EFCAB5: variants seen among roughly 807,000 people sequenced by gnomAD.
The protein encoded by EFCAB5 is EF-hand calcium-binding domain-containing protein 5.
EFCAB5 carries 131 observed loss-of-function variants against 167.9 expected under a neutral mutation model. The ratio of observed to expected loss-of-function variants is 0.78; its 90% CI spans 0.68 to 0.90. EFCAB5 has a LOEUF of 0.90. Among genes scored for constraint, EFCAB5 ranks in the 40% least tolerant of loss-of-function variants. The pLI is 0.00. For synonymous variants in EFCAB5, 574 were observed against 602.8 expected (o/e 0.95, Z 0.70); for missense variants, 1,663 against 1,745.2 (o/e 0.95, Z 0.84).
In EFCAB5 at chr17:30,108,338, T is replaced by C. The variant is rs762624237; in HGVS notation, c.*314T>C. On this transcript the variant is annotated 3_prime_UTR_variant, in exon 23 of 23. Transcript: ENST00000394835. Reference sequence around the variant, plus strand: ...TTGATTGGGTAGTTATTTTTCATTCTTATAAGGTTCAAAGTAACAGCTGAG... The same window carrying C: ...TTGATTGGGTAGTTATTTTTCATTCCTATAAGGTTCAAAGTAACAGCTGAG... The C allele has an allele frequency of 5.8e-4, 110 of 188,112 alleles. No individual in the cohort carries two copies. The highest frequency in any genetic ancestry group is 1.9e-3 in the Middle Eastern group (1 of 524). The allele number at this position is 188,112 out of a possible 1,614,324, so 11.7% of individuals were successfully genotyped here.
intron 7 of EFCAB5, among the ~76,000 whole-genome samples, chr17:30,009,191 C>T (rs962767716): frequency 6.6e-6 from 1 of 152,216 alleles, no homozygotes; most frequent in Non-Finnish European, 1.5e-5. Flanking sequence ...TATAAGGAAG[C>T]ATTTACAGAT....
intron 7 of EFCAB5, among the ~76,000 whole-genome samples, chr17:30,008,183 G>T (rs1267015534): frequency 1.3e-5 from 2 of 152,014 alleles, no homozygotes; most frequent in Non-Finnish European, 2.9e-5. Flanking sequence ...TAAGAAAATT[G>T]TTAAAGGAAT....
chr17:29,996,394 T>C (rs2068544714), intron 6 of EFCAB5, 34 bp downstream of exon 6: 1 of 1,503,528 alleles, frequency 6.7e-7, no homozygotes, highest in African/African-American at 1.4e-5. Context: ...ATTTTTATTT[T>C]TATTTCTTTT....
intron 5 of EFCAB5, among the ~76,000 whole-genome samples, chr17:29,994,167 T>TATATATATATAC (rs1411208091): frequency 1.2e-3 from 157 of 132,202 alleles, no homozygotes; most frequent in Non-Finnish European, 2.0e-3. Context: ...TATATATATA[T>TATATATATATAC]ATATATATAT....
At chr17:29,968,532 A>T (rs2067880686) in intron 3 of EFCAB5, among the ~76,000 whole-genome samples, 1 of 152,154 alleles carries the variant, frequency 6.6e-6, no homozygotes, top group Non-Finnish European at 1.5e-5. Flanking sequence ...AGGTACAAGC[A>T]AAAAAATGAA....
At chr17:30,101,957 T>C (rs1288789571) in intron 22 of EFCAB5, among the ~76,000 whole-genome samples, 2 of 152,212 alleles carry the variant, frequency 1.3e-5, no homozygotes, top group Non-Finnish European at 2.9e-5. Context: ...TGCTTGTTGT[T>C]CTGGTGACTT....
chr17:30,000,974 C>T (rs994416614), intron 7 of EFCAB5, among the ~76,000 whole-genome samples: 15 of 152,178 alleles, frequency 9.9e-5, no homozygotes, highest in African/African-American at 3.4e-4. Flanking sequence ...ACCAGACAAC[C>T]AGAGATAGCC....
At chr17:30,097,897 A>G (rs573487926) in intron 22 of EFCAB5, among the ~76,000 whole-genome samples, 335 of 152,188 alleles carry the variant, frequency 2.2e-3, no homozygotes, top group Non-Finnish European at 3.7e-3. Context: ...TTCTTTTCCC[A>G]AAGCCATCTC....
At chr17:29,968,125 C>G (rs533669755) in intron 3 of EFCAB5, among the ~76,000 whole-genome samples, 1 of 152,220 alleles carries the variant, frequency 6.6e-6, no homozygotes, top group South Asian at 2.1e-4. Context: ...GTCCTCCCGC[C>G]TTGGCCTCCC....
rs1306560811 is a variant in EFCAB5 at position 30,068,681 on chromosome 17, C to T, written c.2737+8980C>T. On this transcript the variant is annotated intron_variant, in intron 14 of 22. Coordinates refer to ENST00000394835, the MANE Select transcript of EFCAB5 (RefSeq NM_198529.4). ...CGGGCCAGCGTCAAGACCGTGAAGACGCAGAACAAGGCACTGGGAGTGGCA... is the reference window on the plus strand; with the variant it reads ...CGGGCCAGCGTCAAGACCGTGAAGATGCAGAACAAGGCACTGGGAGTGGCA... 7.0e-6 allele frequency: 11 copies of T among 1,571,434 alleles called. No homozygotes were observed. In the East Asian group the frequency reaches 1.4e-4, roughly 20 times the overall value.
intron 7 of EFCAB5, among the ~76,000 whole-genome samples, chr17:30,021,020 A>C (rs1307700970): frequency 1.3e-5 from 2 of 152,160 alleles, no homozygotes; most frequent in Non-Finnish European, 2.9e-5. Flanking sequence ...GCTGGGTCTT[A>C]ATATGTATGT....
chr17:29,979,585 C>T (rs2068131145), intron 4 of EFCAB5, among the ~76,000 whole-genome samples: 1 of 152,210 alleles, frequency 6.6e-6, no homozygotes. Context: ...AACATCCCTC[C>T]CTTTGTTTCT....
chr17:30,005,942 T>C (rs2068765336), intron 7 of EFCAB5, among the ~76,000 whole-genome samples: 1 of 152,222 alleles, frequency 6.6e-6, no homozygotes, highest in Admixed American at 6.5e-5. Context: ...CTTACTCCTT[T>C]AAACAATTGC....
intron 4 of EFCAB5, chr17:29,972,693 G>A: frequency 5.0e-6 from 1 of 198,028 alleles, no homozygotes. Flanking sequence ...TTTGGAGGCA[G>A]GGCTTCAAGC....
At position 30,056,932 on chromosome 17, in the gene EFCAB5, A is replaced by AT. The variant is rs201199173; in HGVS notation, c.2366-736dup. ...ATATATGTAAAAATTGTGAGTAATC[A>AT]TTTTTTTTAATCACATCAAATCTCA... On this transcript the variant is annotated intron_variant, in intron 12 of 22. Transcript: ENST00000394835. Among the ~76,000 whole-genome samples, 676 of 150,754 alleles carry AT rather than the reference A, an allele frequency of 4.5e-3. 1 individual carries two copies. Among genetic ancestry groups the AT allele is most frequent in the Non-Finnish European group, 5.6e-3 (376 of 67,062 alleles).
At chr17:30,054,518 C>T (rs567918720) in intron 10 of EFCAB5, among the ~76,000 whole-genome samples, 108 of 152,258 alleles carry the variant, frequency 7.1e-4, no homozygotes, top group African/African-American at 2.5e-3. Flanking sequence ...AAATGGGTCT[C>T]GCTTTTTTCA....
At chr17:30,044,782 G>A (rs1026620044) in intron 8 of EFCAB5, among the ~76,000 whole-genome samples, 1 of 152,024 alleles carries the variant, frequency 6.6e-6, no homozygotes, top group Admixed American at 6.6e-5. Context: ...TTCTCTCCTA[G>A]ATTATATACC....
chr17:30,095,846 C>A (rs1307346753), intron 22 of EFCAB5, among the ~76,000 whole-genome samples: 2 of 152,218 alleles, frequency 1.3e-5, no homozygotes, highest in Non-Finnish European at 2.9e-5. Flanking sequence ...CAGTTCTCTG[C>A]AGTCTTTTTG....
At chr17:30,051,242 G>T in intron 9 of EFCAB5, 25 bp downstream of exon 9, 3 of 1,605,904 alleles carry the variant, frequency 1.9e-6, no homozygotes, top group Non-Finnish European at 2.6e-6. Context: ...GAGGGAGTAT[G>T]TTCAAGCTGG....
Sources: gnomAD v4.1 joint callset for allele counts (sites outside exome capture counted in the v4.1 genomes callset) on GRCh38, gnomAD v4.1.1 for gene constraint, MANE v1.5 for transcripts, NCBI Gene and HGNC (gene_info 2026-07-23, HGNC 2026-07-21) for gene names.